The following CDC42BPA variants were observed in gnomAD, a reference collection of about 807,000 sequenced individuals.
CDC42BPA encodes the protein serine/threonine-protein kinase MRCK alpha.
In CDC42BPA, 80 loss-of-function variants were observed where a neutral mutation model predicts 223.5. The observed-to-expected ratio is 0.36, with a 90% CI of 0.30 to 0.43. The LOEUF is 0.43. Ranked by LOEUF, CDC42BPA falls within the 20% of genes least tolerant of loss-of-function variation. The pLI, the probability that CDC42BPA is intolerant of heterozygous loss-of-function variation, is 1.00. For missense variants in CDC42BPA, 1,743 were observed against 2,099.9 expected, an observed-to-expected ratio of 0.83 and a Z score of 3.32; for synonymous variants, 694 against 718.6, an observed-to-expected ratio of 0.97 and a Z score of 0.55.
At chr1:227,206,356 T>TTAC (rs1672720243) in intron 3 of CDC42BPA, among the ~76,000 whole-genome samples, 7 of 125,012 alleles carry the variant, frequency 5.6e-5, no homozygotes, top group Non-Finnish European at 1.1e-4. Context: ...TTATTGGACA[T>TTAC]TATATTATTA....
At chr1:227,245,052 C>T (rs77973381) in intron 2 of CDC42BPA, among the ~76,000 whole-genome samples, 8,188 of 152,224 alleles carry the variant, frequency 0.054, 244 homozygotes, top group Non-Finnish European at 0.072. Flanking sequence ...GGCTGAAGTG[C>T]TCTGGGGTCC....
At chr1:227,071,360 T>C (rs981938169) in intron 20 of CDC42BPA, among the ~76,000 whole-genome samples, 48 of 151,902 alleles carry the variant, frequency 3.2e-4, no homozygotes, top group African/African-American at 1.2e-3. Flanking sequence ...GGAAAATCAA[T>C]TTCAAATAAA....
chr1:227,017,183 G>A (rs1666448317), intron 32 of CDC42BPA, 133 bp from the exon 33 acceptor site: 1 of 658,832 alleles, frequency 1.5e-6, no homozygotes, highest in Admixed American at 3.5e-5. Context: ...ATGTTGTGTT[G>A]ATAACCCAGT....
chr1:227,145,997 G>T (rs1407853645), intron 7 of CDC42BPA, among the ~76,000 whole-genome samples: 3 of 152,072 alleles, frequency 2.0e-5, no homozygotes, highest in Non-Finnish European at 4.4e-5. Flanking sequence ...ATCTTAAACT[G>T]CTATCAGAAT....
intron 5 of CDC42BPA, among the ~76,000 whole-genome samples, chr1:227,162,194 A>T (rs1230625488): frequency 6.6e-6 from 1 of 152,038 alleles, no homozygotes; most frequent in Non-Finnish European, 1.5e-5. Flanking sequence ...TTTTATAGAT[A>T]GTAATTATAA....
intron 14 of CDC42BPA, among the ~76,000 whole-genome samples, chr1:227,106,592 T>C (rs1685976836): frequency 6.6e-6 from 1 of 152,200 alleles, no homozygotes; most frequent in Admixed American, 6.5e-5. Flanking sequence ...TTTCCTCCTC[T>C]TCTATTTTAA....
Position 227,145,697 on chromosome 1 carries a change from T to C in CDC42BPA, c.935A>G (p.Glu312Gly), listed in dbSNP as rs1315336598. Reference sequence around the variant, plus strand: ...CCTTCGAATAAGATCCTTAGCATTTTCAGACACATCAGTCACTTGGGCTGG... The same window carrying C: ...CCTTCGAATAAGATCCTTAGCATTTCCAGACACATCAGTCACTTGGGCTGG... Reference protein sequence around the residue: ...QFPAQVTDVSENAKDLIRRLI... With the variant: ...QFPAQVTDVSGNAKDLIRRLI... The change falls in exon 8 of 37, where the codon GAA becomes GGA. Residue 312 changes from glutamate (E) to glycine (G), a missense_variant. Physicochemically the swap from Glu to Gly is moderately conservative, Grantham distance 98 (BLOSUM62 -2). Coordinates refer to ENST00000366766, the MANE Select transcript of CDC42BPA (RefSeq NM_001394014.1). 1.2e-6 allele frequency: 2 copies of C among 1,613,750 alleles called. No individual in the cohort carries two copies. The highest frequency in any genetic ancestry group is 2.2e-5 in the South Asian group (2 of 91,054).
chr1:227,241,346 T>G (rs1483212615), intron 2 of CDC42BPA, among the ~76,000 whole-genome samples: 1 of 152,054 alleles, frequency 6.6e-6, no homozygotes, highest in East Asian at 1.9e-4. Flanking sequence ...TTCTGGTTAT[T>G]TACCCAAAGA....
chr1:227,168,910 T>C (rs1665621882), intron 5 of CDC42BPA, among the ~76,000 whole-genome samples: 1 of 152,158 alleles, frequency 6.6e-6, no homozygotes, highest in Non-Finnish European at 1.5e-5. Context: ...TCCTTCTTGA[T>C]CTCAAAGTAC....
In CDC42BPA at chr1:227,133,864, A is replaced by T. The variant is rs1398024259; in HGVS notation, c.1391-4633T>A. Among the ~76,000 whole-genome samples, 3 of 152,090 alleles carry T rather than the reference A, an allele frequency of 2.0e-5. No homozygotes were observed. The East Asian group carries it at 5.8e-4, about 29-fold the overall frequency. ...GGTCCTCTGCCTAGGAAAACCAGAG[A>T]CCTTTGTTCACTTGTTTATCTGCTG... On this transcript the variant is annotated intron_variant, in intron 10 of 36. Transcript: ENST00000366766.
chr1:227,161,834 C>A (rs1419931071), intron 5 of CDC42BPA, among the ~76,000 whole-genome samples: 3 of 152,130 alleles, frequency 2.0e-5, no homozygotes, highest in East Asian at 3.8e-4. Flanking sequence ...AGTTTTCAAA[C>A]CCCTATTGTA....
At chr1:227,157,592 G>A (rs1663046651) in intron 6 of CDC42BPA, among the ~76,000 whole-genome samples, 1 of 152,078 alleles carries the variant, frequency 6.6e-6, no homozygotes, top group African/African-American at 2.4e-5. Context: ...TTGAGATATG[G>A]TAAAATTCTT....
chr1:227,170,945 C>T (rs1386297901), intron 5 of CDC42BPA, among the ~76,000 whole-genome samples: 1 of 152,196 alleles, frequency 6.6e-6, no homozygotes. Flanking sequence ...AGTAGCCCAA[C>T]AAATTCCATT....
chr1:227,000,604 T>C (rs1175101404), intron 35 of CDC42BPA, among the ~76,000 whole-genome samples: 2 of 152,192 alleles, frequency 1.3e-5, no homozygotes, highest in Non-Finnish European at 2.9e-5. Context: ...CACCACTCAA[T>C]GCATGGAGAG....
intron 34 of CDC42BPA, among the ~76,000 whole-genome samples, chr1:227,010,303 T>C (rs1168321110): frequency 1.3e-5 from 2 of 152,242 alleles, no homozygotes; most frequent in Non-Finnish European, 2.9e-5. Flanking sequence ...TACATGCATT[T>C]CAGTAACTCA....
At chr1:227,117,045 T>A (rs925901776) in intron 12 of CDC42BPA, among the ~76,000 whole-genome samples, 1 of 152,182 alleles carries the variant, frequency 6.6e-6, no homozygotes, top group Non-Finnish European at 1.5e-5. Context: ...TATAAGCACC[T>A]GCATAAATGT....
chr1:227,050,556 T>A (rs1213079185), intron 22 of CDC42BPA, among the ~76,000 whole-genome samples: 1 of 152,154 alleles, frequency 6.6e-6, no homozygotes, highest in African/African-American at 2.4e-5. Flanking sequence ...AACCTAAATA[T>A]CCAACTGCAG....
At chr1:227,235,735 C>T (rs1678893288) in intron 2 of CDC42BPA, among the ~76,000 whole-genome samples, 1 of 152,152 alleles carries the variant, frequency 6.6e-6, no homozygotes, top group African/African-American at 2.4e-5. Context: ...TAGCATTCTA[C>T]GCAATGCTTG....
chr1:227,029,526 T>C (rs1190785804), intron 29 of CDC42BPA, among the ~76,000 whole-genome samples: 1 of 152,204 alleles, frequency 6.6e-6, no homozygotes. Flanking sequence ...ACTTTTCTAC[T>C]GGCACTAAAT....
Sources: allele counts gnomAD v4.1 joint callset (sites outside exome capture counted in the v4.1 genomes callset), GRCh38; gene constraint gnomAD v4.1.1; transcripts MANE v1.5; gene names NCBI Gene and HGNC (gene_info 2026-07-23, HGNC 2026-07-21).